The following CDH1 variants were observed in gnomAD, a reference collection of about 807,000 sequenced individuals.
CDH1 encodes the protein cadherin 1, also known as cadherin-1.
A neutral mutation model predicts 84.5 loss-of-function variants in CDH1; 35 were observed. The ratio of observed to expected loss-of-function variants is 0.41; its 90% CI spans 0.32 to 0.55. The LOEUF (loss-of-function observed/expected upper bound fraction) is 0.55. Among genes scored for constraint, CDH1 ranks in the 20% least tolerant of loss-of-function variants. The pLI, the probability that CDH1 is intolerant of heterozygous loss-of-function variation, is 0.19. For missense variants in CDH1, 994 were observed against 1,126.6 expected (o/e 0.88, Z 1.68); for synonymous variants, 417 against 439.0 (o/e 0.95, Z 0.63).
intron 10 of CDH1, among the ~76,000 whole-genome samples, chr16:68,819,053 A>G (rs1160215562): frequency 2.0e-5 from 3 of 151,956 alleles, no homozygotes; most frequent in African/African-American, 7.2e-5. Flanking sequence ...ACAGGGTTTC[A>G]CCATGTTGAC....
At chr16:68,813,525 A>C (rs769928426) in intron 9 of CDH1, 30 bp downstream of exon 9, 5 of 1,606,300 alleles carry the variant, frequency 3.1e-6, no homozygotes, top group Non-Finnish European at 4.3e-6. Flanking sequence ...AGATGCAGAA[A>C]CTGGCATCCT....
At chr16:68,827,278 T>TAATAAATA (rs988209635) in intron 13 of CDH1, among the ~76,000 whole-genome samples, 1 of 150,132 alleles carries the variant, frequency 6.7e-6, no homozygotes, top group Non-Finnish European at 1.5e-5. Context: ...CTCAAAATAA[T>TAATAAATA]AATAAATAAA....
intron 2 of CDH1, among the ~76,000 whole-genome samples, chr16:68,778,209 A>C (rs1421828571): frequency 6.6e-6 from 1 of 152,024 alleles, no homozygotes; most frequent in Non-Finnish European, 1.5e-5. Context: ...CACCATGTCC[A>C]GCTAATTTTT....
intron 2 of CDH1, among the ~76,000 whole-genome samples, chr16:68,761,209 G>A (rs1054527390): frequency 5.3e-5 from 8 of 152,206 alleles, no homozygotes; most frequent in South Asian, 2.1e-4. Context: ...CAAGCTGGGA[G>A]AACTTGGAGA....
At chr16:68,780,113 T>C (rs1959834619) in intron 2 of CDH1, among the ~76,000 whole-genome samples, 1 of 152,192 alleles carries the variant, frequency 6.6e-6, no homozygotes, top group African/African-American at 2.4e-5. Context: ...CTTTTCCCTC[T>C]GCCTGAAATG....
At chr16:68,750,150 C>CT (rs34551002) in intron 2 of CDH1, among the ~76,000 whole-genome samples, 23 of 79,088 alleles carry the variant, frequency 2.9e-4, no homozygotes, top group South Asian at 4.8e-4. Context: ...TAGAATTCAG[C>CT]TTTTTTTTTT....
At chr16:68,819,769 G>T (rs543519197) in intron 11 of CDH1, among the ~76,000 whole-genome samples, 1 of 152,000 alleles carries the variant, frequency 6.6e-6, no homozygotes, top group African/African-American at 2.4e-5. Context: ...ATCGAACTCC[G>T]ACTTCTAAGT....
At chr16:68,821,977 CA>C in intron 11 of CDH1, 23 bp from the exon 12 acceptor site, 1 of 1,590,718 alleles carries the variant, frequency 6.3e-7, no homozygotes, top group South Asian at 1.1e-5. Context: ...CAAGCTGCCA[CA>C]TTTTCTGTGT....
intron 2 of CDH1, among the ~76,000 whole-genome samples, chr16:68,794,773 G>A (rs1412940137): frequency 4.1e-5 from 6 of 146,478 alleles, no homozygotes; most frequent in South Asian, 2.1e-4. Flanking sequence ...TGCAAGCTCC[G>A]ACTCCCAGGT....
At position 68,808,409 on chromosome 16, in the gene CDH1, C is replaced by G. The variant is rs2152129561; in HGVS notation, c.388-15C>G. The G allele has an allele frequency of 6.2e-7, 1 of 1,614,112 alleles. No individual in the cohort carries two copies. Among genetic ancestry groups the G allele is most frequent in the South Asian group, 1.1e-5 (1 of 91,086 alleles). On this transcript the variant is annotated splice_polypyrimidine_tract_variant and intron_variant, in intron 3 of 15. Coordinates refer to ENST00000261769, the MANE Select transcript of CDH1 (RefSeq NM_004360.5). The stretch of plus-strand genomic sequence containing the variant: ...TGAATTGTCTTATCTTGTTCCTCAT[C>G]TTCTTTCCTTTTAGGCCTCCGTTTC...
intron 2 of CDH1, among the ~76,000 whole-genome samples, chr16:68,767,672 C>A (rs2063651301): frequency 1.3e-5 from 2 of 152,112 alleles, no homozygotes; most frequent in South Asian, 4.1e-4. Context: ...TTTTTATTTA[C>A]TTTGTTCATT....
At chr16:68,813,897 A>G (rs916115169) in intron 9 of CDH1, among the ~76,000 whole-genome samples, 1 of 148,248 alleles carries the variant, frequency 6.7e-6, no homozygotes, top group Non-Finnish European at 1.5e-5. Flanking sequence ...GTGCCATTGC[A>G]CTCCAGCTCT....
At chr16:68,797,229 A>G (rs370052184) in intron 2 of CDH1, among the ~76,000 whole-genome samples, 4 of 152,152 alleles carry the variant, frequency 2.6e-5, no homozygotes, top group South Asian at 2.1e-4. Flanking sequence ...CCTACAAACA[A>G]TAATTAAAAA....
At chr16:68,766,117 G>T (rs547537951) in intron 2 of CDH1, among the ~76,000 whole-genome samples, 1 of 152,118 alleles carries the variant, frequency 6.6e-6, no homozygotes, top group South Asian at 2.1e-4. Context: ...AAATTAGCCG[G>T]GTGTGGTGGT....
Position 68,801,830 on chromosome 16 carries a change from A to G in CDH1, c.324A>G (p.Arg108=), listed in dbSNP as rs116542018. ...TCTACGCCTGGGACTCCACCTACAG[A>G]AAGTTTTCCACCAAAGTCACGCTGA... The part of the protein sequence containing the change: ...FLVYAWDSTY[R]KFSTKVTLNT... Residue 108 remains arginine (R), a synonymous_variant, in exon 3 of 16, where the codon AGA becomes AGG. Transcript: ENST00000261769. 5.8e-4 allele frequency: 938 copies of G among 1,614,174 alleles called. 5 individuals carry two copies. The African/African-American group carries it at 7.2e-3, about 12-fold the overall frequency.
rs2152133267 is a variant in CDH1, at chr16:68,813,293, C to G, written c.1138-20C>G. 1 of 1,613,292 alleles carries G rather than the reference C, an allele frequency of 6.2e-7. No homozygotes were observed. Among genetic ancestry groups the G allele is most frequent in the Non-Finnish European group, 8.5e-7 (1 of 1,179,272 alleles). On this transcript the variant is annotated intron_variant, in intron 8 of 15. Transcript: ENST00000261769. ...AGCAGTCTTGGTACTTTGTAAATGA[C>G]ACATCTCTTTGCTCTGCAGTACAAG...
At chr16:68,788,912 GGA>G (rs775721967) in intron 2 of CDH1, among the ~76,000 whole-genome samples, 37 of 152,142 alleles carry the variant, frequency 2.4e-4, no homozygotes, top group Non-Finnish European at 4.4e-4. Context: ...GGCTGAGGCA[GGA>G]GAGTCACTTG....
In CDH1 at chr16:68,745,547, A is replaced by ATATATATATATATATATGTGTAT. The variant is rs1491171815; in HGVS notation, c.163+7136_163+7137insTATATATATATATATATGTGTAT. On this transcript the variant is annotated intron_variant, in intron 2 of 15. Coordinates refer to ENST00000261769, the MANE Select transcript of CDH1 (RefSeq NM_004360.5). ...AGATCCTGTCTCAAAAAAAAAAAAA[A>ATATATATATATATATATGTGTAT]AAATATATATATATATGTATATATA... Among the ~76,000 whole-genome samples, 8 of 21,980 alleles carry ATATATATATATATATATGTGTAT rather than the reference A, an allele frequency of 3.6e-4. 1 individual carries two copies. The highest frequency in any genetic ancestry group is 7.7e-4 in the African/African-American group (8 of 10,342). The allele number at this position is 21,980 out of a possible 152,430, so 14.4% of individuals were successfully genotyped here. A position where few individuals can be genotyped will look rare whatever the true frequency, so the allele number is the denominator to read the frequency against.
At chr16:68,811,396 CAAAAAA>C (rs1158343325) in intron 6 of CDH1, among the ~76,000 whole-genome samples, 1 of 77,766 alleles carries the variant, frequency 1.3e-5, no homozygotes, top group Non-Finnish European at 2.9e-5. Flanking sequence ...AACTCCGTCT[CAAAAAA>C]AAAAAAAAAA....
Sources: allele counts gnomAD v4.1 joint callset (sites outside exome capture counted in the v4.1 genomes callset), GRCh38; gene constraint gnomAD v4.1.1; transcripts MANE v1.5; gene names NCBI Gene and HGNC (gene_info 2026-07-23, HGNC 2026-07-21).